PODN: variants seen among roughly 807,000 people sequenced by gnomAD.
The protein encoded by PODN is podocan proteoglycan.
PODN carries 40 observed loss-of-function variants against 52.7 expected under a neutral mutation model. The ratio of observed to expected loss-of-function variants is 0.76; its 90% CI spans 0.59 to 0.99. The LOEUF is 0.99. Ranked by LOEUF, PODN falls within the 50% of genes least tolerant of loss-of-function variation. The pLI is 0.00. For missense variants in PODN, 720 were observed against 815.1 expected, an observed-to-expected ratio of 0.88 and a Z score of 1.42; for synonymous variants, 396 against 377.9, an observed-to-expected ratio of 1.05 and a Z score of -0.56.
At chr1:53,073,886 G>A (rs1423489892) in intron 3 of PODN, 3 of 152,230 alleles carry the variant, frequency 2.0e-5, no homozygotes, top group African/African-American at 4.8e-5. Context: ...TTTTAAACTC[G>A]TGGCTGAACA....
Position 53,078,711 on chromosome 1 carries a change from G to A in PODN, c.1201G>A (p.Ala401Thr), listed in dbSNP as rs1400549671. The A allele has an allele frequency of 1.2e-6, 2 of 1,613,422 alleles. No homozygotes were observed. Among genetic ancestry groups the A allele is most frequent in the Admixed American group, 1.7e-5 (1 of 60,034 alleles). ...CACAGGCATTGGCCGCGAAGACTTT[G>A]CCACCACCTACTTCCTGGAGGAGCT... ...QITGIGREDF[A>T]TTYFLEELNL... The change falls in exon 8 of 11, where the codon GCC becomes ACC. Residue 401 changes from alanine to threonine, a missense_variant. Physicochemically the swap from Ala to Thr is moderately conservative, Grantham distance 58 (BLOSUM62 0). Transcript: ENST00000312553.
Position 53,085,289 on chromosome 1 carries a change from G to A in PODN, c.*804G>A, listed in dbSNP as rs1023715113. The stretch of plus-strand genomic sequence containing the variant: ...CCCCTGGGTGCTGCTGGGGCCTTGG[G>A]GCAGGAGTGAAGCAGAGGTGATGGG... On this transcript the variant is annotated 3_prime_UTR_variant, in exon 11 of 11. Coordinates refer to ENST00000312553, the MANE Select transcript of PODN (RefSeq NM_153703.5). 7.9e-5 allele frequency: 12 copies of A among 152,426 alleles called. No homozygotes were observed. The highest frequency in any genetic ancestry group is 2.4e-4 in the African/African-American group (10 of 41,556). 9.4% of individuals were successfully genotyped at this position (152,426 alleles called of 1,614,324 possible).
intron 10 of PODN, among the ~76,000 whole-genome samples, 182 bp downstream of exon 10, chr1:53,082,370 G>A (rs1190901559): frequency 6.6e-6 from 1 of 152,214 alleles, no homozygotes; most frequent in Non-Finnish European, 1.5e-5. Context: ...AAGCCTACGG[G>A]AGGCCCACAC....
intron 4 of PODN, among the ~76,000 whole-genome samples, chr1:53,075,319 C>T (rs1284324882): frequency 6.6e-6 from 1 of 152,232 alleles, no homozygotes; most frequent in Non-Finnish European, 1.5e-5. Flanking sequence ...ACCCAGTCCT[C>T]CTCTGTCATC....
rs1344170309 is a variant in PODN at position 53,070,029 on chromosome 1, G to A, written c.174G>A (p.Glu58=). The change falls in exon 2 of 11, where the codon GAG becomes GAA. Residue 58 remains glutamate, a synonymous_variant. Transcript: ENST00000312553. ...CGGTGCTGGTACTGAGCCCTGAGGA[G>A]CCCGGGCCTGGCCCAGCCGCGGTCA... is the stretch of plus-strand genomic sequence containing the variant. The part of the protein sequence containing the change: ...EEPVLVLSPE[E]PGPGPAAVSC... 2 of 1,612,942 alleles carry A rather than the reference G, an allele frequency of 1.2e-6. No homozygotes were observed. The highest frequency in any genetic ancestry group is 1.7e-6 in the Non-Finnish European group (2 of 1,179,946).
intron 9 of PODN, among the ~76,000 whole-genome samples, chr1:53,081,285 C>CG (rs1425446452): frequency 6.6e-6 from 1 of 152,282 alleles, no homozygotes; most frequent in East Asian, 1.9e-4. Flanking sequence ...TGGAGTGATT[C>CG]GGGGGATGCA....
chr1:53,081,012 C>A (rs774196105), intron 9 of PODN, 136 bp downstream of exon 9: 51 of 1,202,008 alleles, frequency 4.2e-5, no homozygotes, highest in Non-Finnish European at 5.8e-5. Context: ...AGGGTGGGGA[C>A]AGTCCTGGCC....
chr1:53,074,473 C>T, intron 3 of PODN, 133 bp from the exon 4 acceptor site: 1 of 971,188 alleles, frequency 1.0e-6, no homozygotes. Context: ...CCCCCAACTG[C>T]TTGGGAGGGG....
rs372849593 is a variant in PODN, at chr1:53,062,232, C to T, written c.-132C>T. 3.9e-6 allele frequency: 5 copies of T among 1,274,254 alleles called. No homozygotes were observed. The highest frequency in any genetic ancestry group is 5.0e-6 in the Non-Finnish European group (5 of 1,003,458). 78.9% of individuals were successfully genotyped at this position (1,274,254 alleles called of 1,614,324 possible). On this transcript the variant is annotated 5_prime_UTR_variant, in exon 1 of 11. An upstream open reading frame in the 5' UTR gains an earlier in-frame stop. Transcript: ENST00000312553. ...CAGCTTGACTTGAATGGAAGGAGCC[C>T]GAGCCCGCGGAGCGCAGCTGAGACT...
At position 53,084,089 on chromosome 1, in the gene PODN, G is replaced by T. The variant is rs373311660; in HGVS notation, c.*28-424G>T. Among the ~76,000 whole-genome samples, 27 of 152,214 alleles carry T rather than the reference G, an allele frequency of 1.8e-4. 1 individual carries two copies. Among genetic ancestry groups the T allele is most frequent in the African/African-American group, 6.3e-4 (26 of 41,524 alleles). On this transcript the variant is annotated intron_variant, in intron 10 of 10. Coordinates refer to ENST00000312553, the MANE Select transcript of PODN (RefSeq NM_153703.5). ...CGCAAGTGTGGAGGGGCTGGCAAGA[G>T]GCTGAGCTTGGGGGTCACCTTCCCC...
At chr1:53,082,998 G>A (rs1460353345) in intron 10 of PODN, among the ~76,000 whole-genome samples, 1 of 152,230 alleles carries the variant, frequency 6.6e-6, no homozygotes, top group Non-Finnish European at 1.5e-5. Flanking sequence ...TAGAAGTGGG[G>A]ACTTGGCTGT....
intron 1 of PODN, among the ~76,000 whole-genome samples, chr1:53,067,568 C>T (rs1644051334): frequency 6.6e-6 from 1 of 152,124 alleles, no homozygotes; most frequent in African/African-American, 2.4e-5. Context: ...TCAGAGGCGG[C>T]TACGATGTCT....
rs763372499 is a variant in PODN at position 53,077,706 on chromosome 1, C to T, written c.760C>T (p.Pro254Ser). ...CCAGAACAACAAGCTGGAGAAGATCCCCCCGGGGGCCTTCAGCGAGCTGAG... is the reference window on the plus strand; with the variant it reads ...CCAGAACAACAAGCTGGAGAAGATCTCCCCGGGGGCCTTCAGCGAGCTGAG... ...HLKNNKLEKI[P>S]PGAFSELSSL... Residue 254 changes from proline (P) to serine (S), a missense_variant, in exon 7 of 11, where the codon CCC becomes TCC. Coordinates refer to ENST00000312553, the MANE Select transcript of PODN (RefSeq NM_153703.5). The T allele has an allele frequency of 9.3e-6, 15 of 1,613,232 alleles. No homozygotes were observed. The Admixed American group carries it at 2.3e-4, about 25-fold the overall frequency.
At chr1:53,075,279 A>T (rs1333027266) in intron 4 of PODN, among the ~76,000 whole-genome samples, 8 of 152,180 alleles carry the variant, frequency 5.3e-5, no homozygotes, top group African/African-American at 1.9e-4. Context: ...CAGTGGAAGG[A>T]AGCTACAGCT....
At chr1:53,063,616 C>A in intron 1 of PODN, 1 of 978,798 alleles carries the variant, frequency 1.0e-6, no homozygotes, top group South Asian at 4.7e-5. Context: ...GGGGACTGCT[C>A]TGGGGGTTCT....
intron 1 of PODN, among the ~76,000 whole-genome samples, chr1:53,066,586 C>G (rs944893016): frequency 6.6e-6 from 1 of 152,070 alleles, no homozygotes; most frequent in Non-Finnish European, 1.5e-5. Flanking sequence ...GCAGAAGCCA[C>G]GCTGAGTCTT....
chr1:53,078,552 C>T lies in PODN; in HGVS notation c.1042C>T (p.Gln348Ter). 6.2e-7 allele frequency: 1 copy of T among 1,613,146 alleles called. No individual in the cohort carries two copies. Among genetic ancestry groups the T allele is most frequent in the Non-Finnish European group, 8.5e-7 (1 of 1,180,032 alleles). ...GCTGCACAGCAACCAGCTGCGGGAG[C>T]AGGGCATCCACCCACTGGCCTTCCA... ...LLLHSNQLRE[Q>*]GIHPLAFQGL... The change falls in exon 8 of 11, where the codon CAG (glutamine) becomes TAG (stop). Residue 348 changes from glutamine to a stop codon, truncating the protein, a stop_gained. Transcript: ENST00000312553. LOFTEE classifies it high-confidence loss of function.
At chr1:53,076,076 GC>G in intron 5 of PODN, 105 bp downstream of exon 5, 1 of 977,040 alleles carries the variant, frequency 1.0e-6, no homozygotes, top group Non-Finnish European at 1.6e-6. Flanking sequence ...AGGAGGCCCT[GC>G]ACTCAGGGCT....
intron 1 of PODN, among the ~76,000 whole-genome samples, chr1:53,064,785 C>A (rs970323529): frequency 2.6e-5 from 4 of 152,242 alleles, no homozygotes; most frequent in Non-Finnish European, 4.4e-5. Flanking sequence ...TAGCTCCCAA[C>A]TCCATTTCTT....
Sources: allele counts gnomAD v4.1 joint callset (sites outside exome capture counted in the v4.1 genomes callset), GRCh38; gene constraint gnomAD v4.1.1; transcripts MANE v1.5; gene names NCBI Gene and HGNC (gene_info 2026-07-23, HGNC 2026-07-21).